Variants in CCDC60 observed in about 807,000 individuals in gnomAD.
The protein encoded by CCDC60 is coiled-coil domain-containing protein 60.
A neutral mutation model predicts 63.5 loss-of-function variants in CCDC60; 54 were observed. The ratio of observed to expected loss-of-function variants is 0.85; its 90% CI spans 0.68 to 1.07. CCDC60 has a LOEUF of 1.07. CCDC60 is among the 50% of genes least tolerant of loss of function. CCDC60 has a pLI of 0.00. For synonymous variants in CCDC60, 206 were observed against 238.8 expected, an observed-to-expected ratio of 0.86 and a Z score of 1.27; for missense variants, 651 against 684.3, an observed-to-expected ratio of 0.95 and a Z score of 0.54.
At chr12:119,409,563 C>G (rs1956555941) in intron 1 of CCDC60, among the ~76,000 whole-genome samples, 1 of 152,138 alleles carries the variant, frequency 6.6e-6, no homozygotes, top group Non-Finnish European at 1.5e-5. Flanking sequence ...GTACTCCAGC[C>G]CTCACACCAA....
At chr12:119,507,575 TATACACATATATATACATATATATA>T (rs1952066291) in intron 7 of CCDC60, among the ~76,000 whole-genome samples, 6 of 38,880 alleles carry the variant, frequency 1.5e-4, no homozygotes, top group African/African-American at 1.2e-3. Context: ...TATATGTATA[TATACACATATATATACATATATATA>T]TATATATATA....
chr12:119,471,945 C>A (rs762127512), intron 2 of CCDC60, 49 bp from the exon 3 acceptor site: 3 of 1,516,316 alleles, frequency 2.0e-6, no homozygotes, highest in East Asian at 4.5e-5. Context: ...TCTCTCTCCA[C>A]CCTCCCACCT....
chr12:119,382,005 T>G (rs1170253148), intron 1 of CCDC60, among the ~76,000 whole-genome samples: 8 of 152,152 alleles, frequency 5.3e-5, no homozygotes, highest in Admixed American at 5.2e-4. Flanking sequence ...CTCATGACCT[T>G]CCTATCTTTA....
chr12:119,428,686 C>T lies in CCDC60; in HGVS notation c.94C>T (p.Pro32Ser). The T allele has an allele frequency of 6.3e-7, 1 of 1,596,396 alleles. No individual in the cohort carries two copies. The highest frequency in any genetic ancestry group is 8.6e-7 in the Non-Finnish European group (1 of 1,167,614). ...TAACCCCTTGTCTTCTCATCAGGTC[C>T]CAGACAAGCCAATGAAGAGCATCAA... The part of the protein sequence containing the change: ...FYASENLRQV[P>S]DKPMKSIKYM... Residue 32 changes from proline to serine, a missense_variant, in exon 2 of 14, where the codon CCA becomes TCA. Pro to Ser is a moderately conservative substitution (Grantham distance 74). Transcript: ENST00000327554.
intron 1 of CCDC60, among the ~76,000 whole-genome samples, chr12:119,368,090 G>A (rs986796509): frequency 6.7e-5 from 10 of 149,416 alleles, no homozygotes; most frequent in Non-Finnish European, 1.2e-4. Context: ...GGAGGAGGGG[G>A]AGGAGGAGGG....
chr12:119,495,125 T>C (rs1256020796), intron 5 of CCDC60, among the ~76,000 whole-genome samples: 2 of 152,184 alleles, frequency 1.3e-5, no homozygotes, highest in African/African-American at 4.8e-5. Flanking sequence ...AACTGAGGCA[T>C]AGAAAATTAA....
At chr12:119,400,696 G>A (rs2136222277) in intron 1 of CCDC60, among the ~76,000 whole-genome samples, 1 of 152,364 alleles carries the variant, frequency 6.6e-6, no homozygotes, top group Non-Finnish European at 1.5e-5. Context: ...TCAGAATGTA[G>A]TCCATGAATT....
chr12:119,335,223 C>T lies in CCDC60; in HGVS notation c.47C>T (p.Ser16Leu), dbSNP rs1190930458. 1.9e-6 allele frequency: 3 copies of T among 1,606,536 alleles called. No homozygotes were observed. Among genetic ancestry groups the T allele is most frequent in the Non-Finnish European group, 8.5e-7 (1 of 1,177,004 alleles). ...AAGAAGCTTCAGAGTTCCCCCAACTCGGGGGCTGTCCGGCCCTTTTATGCC... is the reference window on the plus strand; with the variant it reads ...AAGAAGCTTCAGAGTTCCCCCAACTTGGGGGCTGTCCGGCCCTTTTATGCC... ...ATKKLQSSPN[S>L]GAVRPFYASE... Residue 16 changes from serine to leucine, a missense_variant, in exon 1 of 14, where the codon TCG becomes TTG. Physicochemically the swap from Ser to Leu is moderately radical, Grantham distance 145 (BLOSUM62 -2). Coordinates refer to ENST00000327554, the MANE Select transcript of CCDC60 (RefSeq NM_178499.5).
At chr12:119,529,986 T>C (rs2136528799) in intron 12 of CCDC60, among the ~76,000 whole-genome samples, 1 of 152,260 alleles carries the variant, frequency 6.6e-6, no homozygotes, top group East Asian at 1.9e-4. Context: ...TGAGTTGTAG[T>C]TGTTCATTCA....
At chr12:119,503,046 G>A (rs979897127) in intron 6 of CCDC60, among the ~76,000 whole-genome samples, 1 of 152,038 alleles carries the variant, frequency 6.6e-6, no homozygotes, top group African/African-American at 2.4e-5. Flanking sequence ...GCATGGTGGT[G>A]GGCACCTGTA....
chr12:119,439,869 G>A (rs552458950), intron 2 of CCDC60, among the ~76,000 whole-genome samples: 12 of 152,242 alleles, frequency 7.9e-5, no homozygotes, highest in African/African-American at 2.6e-4. Flanking sequence ...CCATATAGCC[G>A]ACTAGACACC....
At chr12:119,508,234 G>A (rs2136444918) in intron 7 of CCDC60, among the ~76,000 whole-genome samples, 1 of 152,108 alleles carries the variant, frequency 6.6e-6, no homozygotes, top group African/African-American at 2.4e-5. Flanking sequence ...TGTAATCCCA[G>A]CACTTTGGGA....
intron 1 of CCDC60, among the ~76,000 whole-genome samples, chr12:119,394,893 C>T (rs1956223255): frequency 6.6e-6 from 1 of 152,148 alleles, no homozygotes; most frequent in Admixed American, 6.5e-5. Flanking sequence ...AGAAAAGAGA[C>T]TTGATCAATA....
chr12:119,488,953 G>T, intron 5 of CCDC60, 87 bp downstream of exon 5: 1 of 1,112,328 alleles, frequency 9.0e-7, no homozygotes, highest in South Asian at 1.3e-5. Context: ...CACTCCCTTT[G>T]CTGTTTTTGG....
chr12:119,531,435 A>G (rs768015969), intron 13 of CCDC60, among the ~76,000 whole-genome samples: 1 of 152,242 alleles, frequency 6.6e-6, no homozygotes, highest in Non-Finnish European at 1.5e-5. Flanking sequence ...CTCCAAGTTT[A>G]TATTTTAATG....
At chr12:119,353,504 C>G (rs958185929) in intron 1 of CCDC60, among the ~76,000 whole-genome samples, 4 of 151,852 alleles carry the variant, frequency 2.6e-5, no homozygotes, top group Admixed American at 1.3e-4. Context: ...CTCTCTGTCT[C>G]TCTGTCTGTA....
intron 1 of CCDC60, among the ~76,000 whole-genome samples, chr12:119,356,576 G>T (rs563802846): frequency 6.6e-6 from 1 of 152,100 alleles, no homozygotes; most frequent in South Asian, 2.1e-4. Context: ...TACAGTATCA[G>T]TCCCCAGATA....
intron 1 of CCDC60, among the ~76,000 whole-genome samples, chr12:119,418,386 C>CTTTTTTT (rs556783132): frequency 7.6e-5 from 5 of 65,752 alleles, no homozygotes; most frequent in Non-Finnish European, 1.3e-4. Context: ...TTCTTTCTTT[C>CTTTTTTT]TTTTTTTTTT....
intron 1 of CCDC60, among the ~76,000 whole-genome samples, chr12:119,416,995 C>T (rs1163986425): frequency 6.6e-6 from 1 of 152,164 alleles, no homozygotes; most frequent in Non-Finnish European, 1.5e-5. Context: ...GTGGCACATG[C>T]CTGTAATCCT....
Sources: allele counts gnomAD v4.1 joint callset (sites outside exome capture counted in the v4.1 genomes callset), GRCh38; gene constraint gnomAD v4.1.1; transcripts MANE v1.5; gene names NCBI Gene and HGNC (gene_info 2026-07-23, HGNC 2026-07-21).